FIG4: variants seen among roughly 807,000 people sequenced by gnomAD.
FIG4 encodes the protein FIG4 phosphoinositide 5-phosphatase.
FIG4 carries 112 observed loss-of-function variants against 118.6 expected under a neutral mutation model. The ratio of observed to expected loss-of-function variants is 0.94; its 90% CI spans 0.81 to 1.11. The LOEUF (loss-of-function observed/expected upper bound fraction) is 1.11. Among genes scored for constraint, FIG4 ranks in the 50% least tolerant of loss-of-function variants. FIG4 has a pLI of 0.00. For synonymous variants in FIG4, 369 were observed against 381.2 expected, an observed-to-expected ratio of 0.97 and a Z score of 0.37; for missense variants, 969 against 1,111.7, an observed-to-expected ratio of 0.87 and a Z score of 1.83.
At chr6:109,748,809 A>G (rs1052163299) in intron 10 of FIG4, among the ~76,000 whole-genome samples, 2 of 152,122 alleles carry the variant, frequency 1.3e-5, no homozygotes, top group African/African-American at 4.8e-5. Flanking sequence ...TTATAAAATC[A>G]TCACCTCTCG....
chr6:109,810,621 C>T (rs1778693907), intron 22 of FIG4, among the ~76,000 whole-genome samples: 1 of 152,216 alleles, frequency 6.6e-6, no homozygotes, highest in Admixed American at 6.5e-5. Context: ...GCTGCATACG[C>T]ATTCAAAGCC....
intron 22 of FIG4, among the ~76,000 whole-genome samples, chr6:109,797,460 G>A (rs566048263): frequency 2.6e-5 from 4 of 152,116 alleles, no homozygotes; most frequent in Non-Finnish European, 4.4e-5. Flanking sequence ...TCTAGAATAC[G>A]TTCTGAAATA....
chr6:109,790,955 G>A (rs1467981681), intron 19 of FIG4, among the ~76,000 whole-genome samples: 1 of 152,076 alleles, frequency 6.6e-6, no homozygotes, highest in African/African-American at 2.4e-5. Context: ...TTTATAGGCG[G>A]GAGAGAAATA....
At chr6:109,744,984 C>T (rs187071852) in intron 10 of FIG4, among the ~76,000 whole-genome samples, 2,747 of 152,044 alleles carry the variant, frequency 0.018, 51 homozygotes, top group Middle Eastern at 0.041. Flanking sequence ...TCCTTTTTTA[C>T]GGCTGCATAG....
At chr6:109,797,114 A>T (rs1279744160) in intron 22 of FIG4, among the ~76,000 whole-genome samples, 1 of 152,142 alleles carries the variant, frequency 6.6e-6, no homozygotes, top group African/African-American at 2.4e-5. Flanking sequence ...TCTGCCCTCC[A>T]CTGGGTAGAA....
At chr6:109,706,935 G>T (rs1326059472) in intron 1 of FIG4, among the ~76,000 whole-genome samples, 1 of 152,136 alleles carries the variant, frequency 6.6e-6, no homozygotes, top group African/African-American at 2.4e-5. Flanking sequence ...CCTCTCAGTG[G>T]TGGGTAGGGT....
At position 109,691,296 on chromosome 6, in the gene FIG4, G is replaced by A. The variant is rs1774362841; in HGVS notation, c.-140G>A. The A allele has an allele frequency of 5.5e-6, 4 of 727,094 alleles. No individual in the cohort carries two copies. Among genetic ancestry groups the A allele is most frequent in the Non-Finnish European group, 9.8e-6 (4 of 407,964 alleles). The allele number at this position is 727,094 out of a possible 1,614,324, so 45.0% of individuals were successfully genotyped here. A position where few individuals can be genotyped will look rare whatever the true frequency, so the allele number is the denominator to read the frequency against. ...GGGGCGCAGGGATCCGGAAACACCT[G>A]ATCATCTATAGGTTTAGTGCCTAAT... is the stretch of plus-strand genomic sequence containing the variant. On this transcript the variant is annotated 5_prime_UTR_variant, in exon 1 of 23. Transcript: ENST00000230124.
rs10659 is a variant in FIG4, at chr6:109,825,294, G to A, written c.*29G>A. The A allele has an allele frequency of 0.039, 62,263 of 1,602,934 alleles. 2,823 individuals carry two copies. Among genetic ancestry groups the A allele is most frequent in the African/African-American group, 0.22 (16,422 of 74,692 alleles). On this transcript the variant is annotated 3_prime_UTR_variant, in exon 23 of 23. Coordinates refer to ENST00000230124, the MANE Select transcript of FIG4 (RefSeq NM_014845.6). ...GAGCGCAGGTCCACCTGGTGGACAC[G>A]TCTGATTAGCTTAGAACCTGTCTTG...
At chr6:109,720,892 G>A (rs1775586154) in intron 3 of FIG4, among the ~76,000 whole-genome samples, 1 of 152,176 alleles carries the variant, frequency 6.6e-6, no homozygotes, top group African/African-American at 2.4e-5. Flanking sequence ...CCAGCAGGAA[G>A]TTTGGGAAAC....
At chr6:109,818,051 G>C (rs1778909432) in intron 22 of FIG4, among the ~76,000 whole-genome samples, 1 of 152,196 alleles carries the variant, frequency 6.6e-6, no homozygotes, top group Admixed American at 6.5e-5. Context: ...GCCTTCATCA[G>C]GAAGCTGTCA....
At chr6:109,801,594 C>T (rs1778429517) in intron 22 of FIG4, among the ~76,000 whole-genome samples, 1 of 152,130 alleles carries the variant, frequency 6.6e-6, no homozygotes, top group Non-Finnish European at 1.5e-5. Flanking sequence ...GGACCATACG[C>T]TTGCATTTAT....
intron 3 of FIG4, among the ~76,000 whole-genome samples, chr6:109,722,226 C>A (rs1327371996): frequency 6.6e-6 from 1 of 150,920 alleles, no homozygotes; most frequent in Admixed American, 6.6e-5. Context: ...TCATTTTTGG[C>A]GAGTCTCTAA....
At chr6:109,780,272 C>T (rs1276308357) in intron 16 of FIG4, among the ~76,000 whole-genome samples, 1 of 152,150 alleles carries the variant, frequency 6.6e-6, no homozygotes, top group Non-Finnish European at 1.5e-5. Context: ...AGTGCAGTGG[C>T]GTGATCTCGG....
chr6:109,789,741 A>G (rs1778086328), intron 19 of FIG4, 64 bp downstream of exon 19: 2 of 1,103,794 alleles, frequency 1.8e-6, no homozygotes, highest in Non-Finnish European at 2.8e-6. Flanking sequence ...TTGCAATATG[A>G]TTTCCACCAA....
At chr6:109,788,804 G>A (rs1489279544) in intron 18 of FIG4, among the ~76,000 whole-genome samples, 1 of 152,132 alleles carries the variant, frequency 6.6e-6, no homozygotes, top group African/African-American at 2.4e-5. Context: ...TCAGTCACAC[G>A]CTTGGAGCAG....
Position 109,734,902 on chromosome 6 carries a change from C to T in FIG4, c.498-248C>T, listed in dbSNP as rs188601825. On this transcript the variant is annotated intron_variant, in intron 5 of 22. Coordinates refer to ENST00000230124, the MANE Select transcript of FIG4 (RefSeq NM_014845.6). Reference sequence around the variant, plus strand: ...AATGCACATTGTACAAATCAAATAACGTAGGTTACTGACATTGTATTGTAT... The same window carrying T: ...AATGCACATTGTACAAATCAAATAATGTAGGTTACTGACATTGTATTGTAT... 2.7e-4 allele frequency among the ~76,000 whole-genome samples: 41 copies of T among 152,216 alleles called. 2 individuals carry two copies. Among genetic ancestry groups the T allele is most frequent in the Admixed American group, 1.4e-3 (21 of 15,276 alleles).
intron 3 of FIG4, among the ~76,000 whole-genome samples, chr6:109,723,363 A>G (rs1365774696): frequency 6.6e-6 from 1 of 152,208 alleles, no homozygotes; most frequent in East Asian, 1.9e-4. Flanking sequence ...GCTGCTGAAC[A>G]TTAATGTATA....
At chr6:109,745,956 CA>C (rs1776482886) in intron 10 of FIG4, among the ~76,000 whole-genome samples, 1 of 152,042 alleles carries the variant, frequency 6.6e-6, no homozygotes, top group African/African-American at 2.4e-5. Context: ...CAATCCTAAG[CA>C]AAAAGAACAA....
At chr6:109,734,693 T>C (rs948556331) in intron 5 of FIG4, among the ~76,000 whole-genome samples, 10 of 152,170 alleles carry the variant, frequency 6.6e-5, no homozygotes, top group African/African-American at 2.4e-4. Context: ...TTTTATGAAG[T>C]CAGTTATGAT....
Sources: gnomAD v4.1 joint callset for allele counts (sites outside exome capture counted in the v4.1 genomes callset) on GRCh38, gnomAD v4.1.1 for gene constraint, MANE v1.5 for transcripts, NCBI Gene and HGNC (gene_info 2026-07-23, HGNC 2026-07-21) for gene names.